PLK5: variants seen among roughly 807,000 people sequenced by gnomAD.
The protein encoded by PLK5 is inactive serine/threonine-protein kinase PLK5.
PLK5 carries 28 observed loss-of-function variants against 33.7 expected under a neutral mutation model. The observed-to-expected ratio is 0.83, with a 90% CI of 0.62 to 1.14. PLK5 has a LOEUF of 1.14. PLK5 is among the 50% of genes most tolerant of loss of function. The pLI is 0.00. For missense variants in PLK5, 492 were observed against 461.5 expected, an observed-to-expected ratio of 1.07 and a Z score of -0.61; for synonymous variants, 225 against 202.2, an observed-to-expected ratio of 1.11 and a Z score of -0.96.
At chr19:1,532,706 G>T (rs993525274) in intron 12 of PLK5, among the ~76,000 whole-genome samples, 2 of 151,892 alleles carry the variant, frequency 1.3e-5, no homozygotes, top group South Asian at 4.1e-4. Context: ...ATTTTTATTA[G>T]AGACGGGGTT....
Position 1,529,476 on chromosome 19 carries a change from A to G in PLK5, c.476A>G (p.Gln159Arg), listed in dbSNP as rs1439039642. The G allele has an allele frequency of 6.5e-7, 1 of 1,535,892 alleles. No homozygotes were observed. The highest frequency in any genetic ancestry group is 1.4e-5 in the African/African-American group (1 of 73,168). Reference sequence around the variant, plus strand: ...CACCTGGTCGCACAAGGGACCCTGCAGAGTGACCTGGCCGGTGAGCAGATC... The same window carrying G: ...CACCTGGTCGCACAAGGGACCCTGCGGAGTGACCTGGCCGGTGAGCAGATC... ...PIHLVAQGTL[Q>R]SDLAGPEGSR... Residue 159 changes from glutamine (Q) to arginine (R), a missense_variant, in exon 10 of 14, where the codon CAG becomes CGG. Transcript: ENST00000454744.
rs144690667 is a variant in PLK5, at chr19:1,526,421, C to T, written c.-312-65C>T. 8 of 215,862 alleles carry T rather than the reference C, an allele frequency of 3.7e-5. No individual in the cohort carries two copies. The East Asian group carries it at 7.9e-4, about 21-fold the overall frequency. 13.4% of individuals were successfully genotyped at this position (215,862 alleles called of 1,614,324 possible). A position where few individuals can be genotyped will look rare whatever the true frequency, so the allele number is the denominator to read the frequency against. Reference sequence around the variant, plus strand: ...CACCTGTGCTCATCCCATAATCAGCCATACCACCTTGGCCAGGCTGAGCTT... The same window carrying T: ...CACCTGTGCTCATCCCATAATCAGCTATACCACCTTGGCCAGGCTGAGCTT... On this transcript the variant is annotated intron_variant, in intron 3 of 13. Coordinates refer to ENST00000454744, the MANE Select transcript of PLK5 (RefSeq NM_001243079.2).
rs1330130277 is a variant in PLK5, at chr19:1,528,057, A to G, written c.124A>G (p.Ile42Val). Reference protein sequence around the residue: ...AHLSANARRLIVHLLAPNPAE... With the variant: ...AHLSANARRLVVHLLAPNPAE... ...CCTGTCTGCCAATGCGCGCCGCCTC[A>G]TCGTGCACCTCCTAGCACCCAACCC... is the stretch of plus-strand genomic sequence containing the variant. The change falls in exon 7 of 14, where the codon ATC becomes GTC. Residue 42 changes from isoleucine (I) to valine (V), a missense_variant. Ile to Val is a conservative substitution (Grantham distance 29). Transcript: ENST00000454744. 7 of 1,535,936 alleles carry G rather than the reference A, an allele frequency of 4.6e-6. No homozygotes were observed. The highest frequency in any genetic ancestry group is 6.1e-6 in the Non-Finnish European group (7 of 1,146,868).
chr19:1,526,398 CCTGTG>C, intron 3 of PLK5, 83 bp from the exon 4 acceptor site: 1 of 199,722 alleles, frequency 5.0e-6, no homozygotes, highest in South Asian at 7.1e-5. Context: ...CCTGCGCTCA[CCTGTG>C]CTCATCCCAT....
chr19:1,533,449 A>C (rs1241412290), intron 12 of PLK5, among the ~76,000 whole-genome samples: 1 of 152,118 alleles, frequency 6.6e-6, no homozygotes, highest in East Asian at 1.9e-4. Context: ...GGCTGGACTC[A>C]TCAGGTGGGC....
Position 1,531,731 on chromosome 19 carries a change from T to C in PLK5, c.569-7T>C, listed in dbSNP as rs760247502. On this transcript the variant is annotated splice_polypyrimidine_tract_variant and splice_region_variant and intron_variant, in intron 11 of 13. Coordinates refer to ENST00000454744, the MANE Select transcript of PLK5 (RefSeq NM_001243079.2). ...CCCTGGCTCAGCATACCTTTGTTTG[T>C]GCCCAGCCACACAGGACCCCCTGGG... The C allele has an allele frequency of 5.9e-6, 9 of 1,536,764 alleles. No homozygotes were observed. The South Asian group carries it at 1.1e-4, about 18-fold the overall frequency.
At chr19:1,530,215 G>C (rs73521419) in intron 11 of PLK5, among the ~76,000 whole-genome samples, 2,851 of 152,006 alleles carry the variant, frequency 0.019, 102 homozygotes, top group African/African-American at 0.062. Flanking sequence ...AGCCTCCACT[G>C]ACCCACACAT....
At chr19:1,528,841 C>T (rs2145542937) in intron 8 of PLK5, 57 bp from the exon 9 acceptor site, 1 of 1,334,778 alleles carries the variant, frequency 7.5e-7, no homozygotes. Flanking sequence ...AGGTGCCCCC[C>T]TACCCCCAGC....
chr19:1,533,870 GTGGGGGCGAGGGGT>G (rs752525597), intron 12 of PLK5, 47 bp from the exon 13 acceptor site: 2 of 1,332,548 alleles, frequency 1.5e-6, no homozygotes, highest in South Asian at 1.3e-5. Flanking sequence ...GGTGCTGGGT[GTGGGGGCGAGGGGT>G]GGGGACGCCC....
At position 1,524,789 on chromosome 19, in the gene PLK5, TTGTATC is replaced by T. The variant is rs1208268462; in HGVS notation, c.-543-512_-543-507del. On this transcript the variant is annotated intron_variant, in intron 1 of 13. Coordinates refer to ENST00000454744, the MANE Select transcript of PLK5 (RefSeq NM_001243079.2). This position sits in a 1 kb window ranked among gnomAD's most constrained non-coding sequence, Gnocchi z 4.5. ...GTCTAGGAGTTGTGTGTTCATGTGT[TTGTATC>T]TGTGTCTTTGTCCATGTGTTGTACT... is the stretch of plus-strand genomic sequence containing the variant. Among the ~76,000 whole-genome samples, 2 of 151,930 alleles carry T rather than the reference TTGTATC, an allele frequency of 1.3e-5. No individual in the cohort carries two copies. The highest frequency in any genetic ancestry group is 1.9e-4 in the East Asian group (1 of 5,180).
intron 13 of PLK5, 70 bp downstream of exon 13, chr19:1,534,111 C>G (rs1012096807): frequency 5.0e-6 from 6 of 1,201,348 alleles, no homozygotes; most frequent in Non-Finnish European, 7.0e-6. Context: ...TGGGCTGTTA[C>G]GGAGCAAGCT....
intron 12 of PLK5, among the ~76,000 whole-genome samples, chr19:1,532,948 G>A (rs1392626180): frequency 6.6e-6 from 1 of 151,750 alleles, no homozygotes; most frequent in Non-Finnish European, 1.5e-5. Context: ...TTACAGGCGT[G>A]AGCCACCGCG....
intron 13 of PLK5, 33 bp from the exon 14 acceptor site, chr19:1,535,032 G>A (rs779264669): frequency 2.6e-5 from 38 of 1,478,020 alleles, no homozygotes; most frequent in Middle Eastern, 1.8e-4. Context: ...AGGGGTACCC[G>A]TCTCCCCTTG....
chr19:1,534,145 T>G, intron 13 of PLK5, 104 bp downstream of exon 13: 1 of 725,422 alleles, frequency 1.4e-6, no homozygotes. Flanking sequence ...AGGAAGCATT[T>G]GCCTCCCAGG....
chr19:1,524,467 GGGTGT>G lies in PLK5; in HGVS notation c.-544+224_-544+228del, dbSNP rs540226976. ...GTCGTGTCCGTGGGTTGCGTGTCCGGGGTGTGGGCGTGCGGCTCGGCCTCGGGATG... is the reference window on the plus strand; with the variant it reads ...GTCGTGTCCGTGGGTTGCGTGTCCGGGGGCGTGCGGCTCGGCCTCGGGATG... On this transcript the variant is annotated intron_variant, in intron 1 of 13. Coordinates refer to ENST00000454744, the MANE Select transcript of PLK5 (RefSeq NM_001243079.2). This position sits in a 1 kb window ranked among gnomAD's most constrained non-coding sequence, Gnocchi z 4.5. Among the ~76,000 whole-genome samples, 554 of 152,242 alleles carry G rather than the reference GGGTGT, an allele frequency of 3.6e-3. 1 individual carries two copies. Among genetic ancestry groups the G allele is most frequent in the Non-Finnish European group, 5.9e-3 (398 of 67,984 alleles).
At position 1,524,711 on chromosome 19, in the gene PLK5, GTGT is replaced by G. The variant is rs1007222605; in HGVS notation, c.-544+469_-544+471del. ...TCCAGTCATTGTGTTGTGTGTCTGG[GTGT>G]TGTGTGTTCATGTGGTGTGCTTGTG... On this transcript the variant is annotated intron_variant, in intron 1 of 13. Transcript: ENST00000454744. The surrounding 1 kb of genome is among the most constrained non-coding windows in gnomAD (Gnocchi z 4.5). Among the ~76,000 whole-genome samples, 1 of 151,784 alleles carries G rather than the reference GTGT, an allele frequency of 6.6e-6. No homozygotes were observed. The highest frequency in any genetic ancestry group is 2.4e-5 in the African/African-American group (1 of 41,310).
intron 12 of PLK5, among the ~76,000 whole-genome samples, chr19:1,533,172 C>G (rs1568254921): frequency 6.6e-6 from 1 of 151,964 alleles, no homozygotes; most frequent in Non-Finnish European, 1.5e-5. Context: ...GTTGCCCAGG[C>G]TGGAGTGCAA....
At chr19:1,527,265 C>A (rs938511309) in intron 6 of PLK5, among the ~76,000 whole-genome samples, 2 of 151,632 alleles carry the variant, frequency 1.3e-5, no homozygotes, top group African/African-American at 4.8e-5. Flanking sequence ...AGGGATACAG[C>A]GTGTGTGGGC....
In PLK5 at chr19:1,528,491, TCCCACCTGCCCACGCCTCCCACCTGCC is replaced by T. The variant is rs1913818269; in HGVS notation, c.328+65_328+91del. 9 of 949,740 alleles carry T rather than the reference TCCCACCTGCCCACGCCTCCCACCTGCC, an allele frequency of 9.5e-6. 1 individual carries two copies. The South Asian group carries it at 2.0e-4, about 22-fold the overall frequency. The allele number at this position is 949,740 out of a possible 1,614,324, so 58.8% of individuals were successfully genotyped here. ...CCCACGCCTCCCACCTGCCCACACC[TCCCACCTGCCCACGCCTCCCACCTGCC>T]CACACCTCCCACCTGCCCACGCCTC... On this transcript the variant is annotated intron_variant, in intron 8 of 13. Transcript: ENST00000454744.
Sources: gnomAD v4.1 joint callset for allele counts (sites outside exome capture counted in the v4.1 genomes callset) on GRCh38, gnomAD v4.1.1 for gene constraint, Gnocchi (gnomAD v3.1) non-coding constraint, MANE v1.5 for transcripts, NCBI Gene and HGNC (gene_info 2026-07-23, HGNC 2026-07-21) for gene names.